Variants in WHRN observed in about 807,000 individuals in gnomAD.
WHRN encodes CASK-interacting protein CIP98.
In WHRN, 41 loss-of-function variants were observed where a neutral mutation model predicts 68.3. That is an observed-to-expected ratio of 0.60 (90% confidence interval 0.47 to 0.78). The LOEUF is 0.78. Ranked by LOEUF, WHRN falls within the 30% of genes least tolerant of loss-of-function variation. The probability of loss-of-function intolerance (pLI) is 0.00; values close to 1 mark genes in which losing one functional copy is unlikely to be tolerated. For missense variants in WHRN, 1,243 were observed against 1,244.7 expected, an observed-to-expected ratio of 1.00 and a Z score of 0.02; for synonymous variants, 560 against 561.3, an observed-to-expected ratio of 1.00 and a Z score of 0.03.
At chr9:114,447,965 G>C (rs988164164) in intron 3 of WHRN, among the ~76,000 whole-genome samples, 3 of 152,162 alleles carry the variant, frequency 2.0e-5, no homozygotes, top group Non-Finnish European at 4.4e-5. Flanking sequence ...CTGAGGCAGA[G>C]TGTACTTTTC....
rs768302570 is a variant in WHRN, at chr9:114,426,374, G to A, written c.1003C>T (p.Leu335Phe). The change falls in exon 4 of 12, where the codon CTC becomes TTC. Residue 335 changes from leucine (L) to phenylalanine (F), a missense_variant. Physicochemically the swap from Leu to Phe is conservative, Grantham distance 22 (BLOSUM62 0). Transcript: ENST00000362057. ...QILEVNGRSF[L>F]NILHDEAVRL... ...ACAGCCTCGTCGTGTAGGATGTTGA[G>A]AAAGCTCCGCCCATTCACTTCTAGA... The A allele has an allele frequency of 1.2e-6, 2 of 1,613,782 alleles. No homozygotes were observed. Among genetic ancestry groups the A allele is most frequent in the Non-Finnish European group, 1.7e-6 (2 of 1,179,964 alleles).
chr9:114,429,975 A>G (rs1837266545), intron 3 of WHRN, among the ~76,000 whole-genome samples: 1 of 152,210 alleles, frequency 6.6e-6, no homozygotes, highest in Admixed American at 6.5e-5. Flanking sequence ...TCTGAGCTGG[A>G]GCTGGCTGCA....
chr9:114,404,935 G>A (rs1834914222), intron 9 of WHRN, among the ~76,000 whole-genome samples: 2 of 151,946 alleles, frequency 1.3e-5, no homozygotes, highest in South Asian at 4.2e-4. Context: ...AAGCAGCGTG[G>A]GTTGACTGGT....
At chr9:114,501,310 C>T (rs1308492688) in intron 1 of WHRN, among the ~76,000 whole-genome samples, 1 of 152,104 alleles carries the variant, frequency 6.6e-6, no homozygotes, top group African/African-American at 2.4e-5. Flanking sequence ...CCATGGCTTA[C>T]CTTATCTGGA....
chr9:114,498,398 C>CAGCACTGT (rs1843640915), intron 1 of WHRN, among the ~76,000 whole-genome samples: 1 of 152,174 alleles, frequency 6.6e-6, no homozygotes, highest in African/African-American at 2.4e-5. Context: ...GAGAATGTCA[C>CAGCACTGT]AGCACTGTAA....
At chr9:114,405,826 C>A (rs1194433686) in intron 9 of WHRN, among the ~76,000 whole-genome samples, 2 of 152,252 alleles carry the variant, frequency 1.3e-5, no homozygotes, top group African/African-American at 4.8e-5. Context: ...GGTGGGGAGG[C>A]AGGCTCTGCC....
Position 114,505,350 on chromosome 9 carries a change from C to G in WHRN, c.-549G>C, listed in dbSNP as rs1844303489. 1 of 152,492 alleles carries G rather than the reference C, an allele frequency of 6.6e-6. No individual in the cohort carries two copies. The highest frequency in any genetic ancestry group is 2.4e-5 in the African/African-American group (1 of 41,448). The allele number at this position is 152,492 out of a possible 1,614,324, so 9.4% of individuals were successfully genotyped here. A position where few individuals can be genotyped will look rare whatever the true frequency, so the allele number is the denominator to read the frequency against. The stretch of plus-strand genomic sequence containing the variant: ...CCGGTGAAGCGGCGCGGGCGTCCGA[C>G]AAGGGGTGCGGGGCATGTCCGGGGC... On this transcript the variant is annotated 5_prime_UTR_variant, in exon 1 of 12. Coordinates refer to ENST00000362057, the MANE Select transcript of WHRN (RefSeq NM_015404.4).
intron 7 of WHRN, among the ~76,000 whole-genome samples, chr9:114,421,667 G>A (rs980846448): frequency 3.3e-5 from 5 of 152,242 alleles, no homozygotes; most frequent in Non-Finnish European, 5.9e-5. Context: ...AATCTCAGTG[G>A]AGCCTATCTT....
In WHRN at chr9:114,462,261, A is replaced by G. The variant is rs1218311982; in HGVS notation, c.963+4006T>C. On this transcript the variant is annotated intron_variant, in intron 3 of 11. Transcript: ENST00000362057. ...GGGTGTTCTGGAATATCACTCATCCAGGCTTCATCTCTTTTCCTGTCCCCC... is the reference window on the plus strand; with the variant it reads ...GGGTGTTCTGGAATATCACTCATCCGGGCTTCATCTCTTTTCCTGTCCCCC... 2.0e-5 allele frequency among the ~76,000 whole-genome samples: 3 copies of G among 152,172 alleles called. No homozygotes were observed. The South Asian group carries it at 6.2e-4, about 32-fold the overall frequency.
intron 1 of WHRN, among the ~76,000 whole-genome samples, chr9:114,499,574 C>T (rs1843743169): frequency 6.6e-6 from 1 of 152,206 alleles, no homozygotes; most frequent in African/African-American, 2.4e-5. Context: ...AGCCTAATCC[C>T]CTATGGACGC....
In WHRN at chr9:114,424,978, G is replaced by A; in HGVS notation, c.1203+10C>T. On this transcript the variant is annotated intron_variant, in intron 5 of 11. Coordinates refer to ENST00000362057, the MANE Select transcript of WHRN (RefSeq NM_015404.4). The stretch of plus-strand genomic sequence containing the variant: ...AGGAAGCAGAGAATACCCCTTAGAG[G>A]ATGTCCTACCTTGTTTATTCCTTCT... 1.2e-6 allele frequency: 2 copies of A among 1,613,954 alleles called. No individual in the cohort carries two copies. The highest frequency in any genetic ancestry group is 1.7e-6 in the Non-Finnish European group (2 of 1,179,846).
intron 3 of WHRN, among the ~76,000 whole-genome samples, chr9:114,436,054 T>A (rs1837822272): frequency 6.6e-6 from 1 of 152,024 alleles, no homozygotes; most frequent in African/African-American, 2.4e-5. Flanking sequence ...TCAGCAAAAA[T>A]TCATGGGGAA....
chr9:114,487,736 T>C (rs1273031225), intron 1 of WHRN, among the ~76,000 whole-genome samples: 1 of 152,220 alleles, frequency 6.6e-6, no homozygotes, highest in Non-Finnish European at 1.5e-5. Flanking sequence ...CCCTGGGGCA[T>C]GCCTTATCCC....
intron 2 of WHRN, among the ~76,000 whole-genome samples, chr9:114,471,674 C>T (rs1039944459): frequency 2.0e-5 from 3 of 152,226 alleles, no homozygotes; most frequent in Non-Finnish European, 4.4e-5. Flanking sequence ...AAGAGGCAGC[C>T]GGAGCAGCTC....
At chr9:114,452,465 C>T (rs959316772) in intron 3 of WHRN, among the ~76,000 whole-genome samples, 11 of 152,218 alleles carry the variant, frequency 7.2e-5, no homozygotes, top group Non-Finnish European at 1.6e-4. Flanking sequence ...TTGTTCTTGT[C>T]TTGAAGAAGT....
intron 7 of WHRN, among the ~76,000 whole-genome samples, chr9:114,421,866 G>C (rs1836317204): frequency 6.6e-6 from 1 of 152,142 alleles, no homozygotes; most frequent in African/African-American, 2.4e-5. Context: ...AGGAATGCAG[G>C]GCGACTTGTG....
chr9:114,504,308 C>T lies in WHRN; in HGVS notation c.494G>A (p.Gly165Asp). ...TGGTTCCACCAGAGACACGTAGATG[C>T]CCACGCCGTGCTCCGAGCCCCCACG... The part of the protein sequence containing the change: ...SIRGGSEHGV[G>D]IYVSLVEPGS... The change falls in exon 1 of 12, where the codon GGC (glycine) becomes GAC (aspartate). Residue 165 changes from glycine to aspartate, a missense_variant. Gly to Asp is a moderately conservative substitution (Grantham distance 94). Transcript: ENST00000362057. The T allele has an allele frequency of 6.2e-7, 1 of 1,612,974 alleles. No individual in the cohort carries two copies. Among genetic ancestry groups the T allele is most frequent in the Non-Finnish European group, 8.5e-7 (1 of 1,180,032 alleles).
chr9:114,476,010 G>C (rs1052867324), intron 2 of WHRN, among the ~76,000 whole-genome samples: 1 of 152,058 alleles, frequency 6.6e-6, no homozygotes, highest in African/African-American at 2.4e-5. Flanking sequence ...TGTTGCTCAG[G>C]CTAGAGTACA....
At chr9:114,493,708 G>A (rs1843199236) in intron 1 of WHRN, among the ~76,000 whole-genome samples, 1 of 152,176 alleles carries the variant, frequency 6.6e-6, no homozygotes, top group South Asian at 2.1e-4. Context: ...AGAGATAAGA[G>A]AGAGGAAAAA....
Sources: allele counts gnomAD v4.1 joint callset (sites outside exome capture counted in the v4.1 genomes callset), GRCh38; gene constraint gnomAD v4.1.1; transcripts MANE v1.5; gene names NCBI Gene and HGNC (gene_info 2026-07-23, HGNC 2026-07-21).